Variants in BTRC observed in about 807,000 individuals in gnomAD.
The protein encoded by BTRC is F-box/WD repeat-containing protein 1A.
A neutral mutation model predicts 85.5 loss-of-function variants in BTRC; 42 were observed. The ratio of observed to expected loss-of-function variants is 0.49; its 90% CI spans 0.38 to 0.64. The LOEUF (loss-of-function observed/expected upper bound fraction) is 0.64. Among genes scored for constraint, BTRC ranks in the 30% least tolerant of loss-of-function variants. BTRC has a pLI of 0.00. For missense variants in BTRC, 594 were observed against 743.5 expected (o/e 0.80, Z 2.34); for synonymous variants, 255 against 263.3 (o/e 0.97, Z 0.30).
chr10:101,368,088 G>A (rs149626639), intron 1 of BTRC, among the ~76,000 whole-genome samples: 3,418 of 152,274 alleles, frequency 0.022, 55 homozygotes, highest in Non-Finnish European at 0.035. Flanking sequence ...GGGGCCTGGT[G>A]GGAGGTGTTT....
intron 4 of BTRC, among the ~76,000 whole-genome samples, chr10:101,520,913 A>G (rs1013999242): frequency 6.6e-6 from 1 of 152,104 alleles, no homozygotes; most frequent in Admixed American, 6.6e-5. Flanking sequence ...CAGTGAGCCA[A>G]GATCATGCCA....
intron 1 of BTRC, among the ~76,000 whole-genome samples, chr10:101,388,399 C>T (rs1362012859): frequency 1.3e-5 from 2 of 151,830 alleles, no homozygotes; most frequent in South Asian, 2.1e-4. Flanking sequence ...CTCTCTGTTG[C>T]CCAGCTGTTC....
intron 1 of BTRC, among the ~76,000 whole-genome samples, chr10:101,427,871 A>G (rs542980488): frequency 6.6e-6 from 1 of 152,198 alleles, no homozygotes; most frequent in Non-Finnish European, 1.5e-5. Flanking sequence ...ATAAGTATTT[A>G]TTGAATAAAT....
chr10:101,462,188 A>G (rs1945245032), intron 3 of BTRC, 130 bp downstream of exon 3: 1 of 665,196 alleles, frequency 1.5e-6, no homozygotes, highest in Non-Finnish European at 2.6e-6. Context: ...TGGCCTGGCC[A>G]TAGCCATCAC....
intron 1 of BTRC, among the ~76,000 whole-genome samples, chr10:101,371,171 T>TTTTG (rs1942624498): frequency 1.4e-5 from 2 of 144,504 alleles, no homozygotes; most frequent in African/African-American, 4.9e-5. Context: ...ATTCTTTTTT[T>TTTTG]TTTGTTTGTT....
intron 3 of BTRC, 70 bp from the exon 4 acceptor site, chr10:101,479,298 G>C: frequency 2.6e-6 from 3 of 1,175,234 alleles, no homozygotes; most frequent in South Asian, 2.6e-5. Flanking sequence ...AAATAGAGCA[G>C]AATTTGAAAA....
intron 6 of BTRC, among the ~76,000 whole-genome samples, chr10:101,530,792 T>A (rs1190479107): frequency 6.6e-6 from 1 of 152,240 alleles, no homozygotes; most frequent in Non-Finnish European, 1.5e-5. Flanking sequence ...GAAATCAGGC[T>A]TACCTTTGCT....
intron 1 of BTRC, among the ~76,000 whole-genome samples, chr10:101,367,008 A>ATATATT (rs1275484541): frequency 3.8e-5 from 3 of 79,258 alleles, no homozygotes; most frequent in African/African-American, 1.4e-4. Flanking sequence ...ATATATATTT[A>ATATATT]TATATATATT....
rs1300411286 is a variant in BTRC, at chr10:101,532,957, GGATA to G, written c.985_988del (p.Asp329LysfsTer26). 6.2e-7 allele frequency: 1 copy of G among 1,608,836 alleles called. No individual in the cohort carries two copies. Among genetic ancestry groups the G allele is most frequent in the Admixed American group, 1.7e-5 (1 of 59,846 alleles). On this transcript the variant is annotated frameshift_variant, in exon 9 of 15. Coordinates refer to ENST00000370187, the MANE Select transcript of BTRC (RefSeq NM_033637.4). LOFTEE classifies it high-confidence loss of function. The stretch of plus-strand genomic sequence containing the variant: ...GATCTTATTTGCCATCCTAGATCTG[GGATA>G]AAAACACATTGGAATGCAAGCGAAT...
intron 1 of BTRC, among the ~76,000 whole-genome samples, chr10:101,355,088 A>G (rs886600968): frequency 2.0e-5 from 3 of 152,206 alleles, no homozygotes; most frequent in Admixed American, 6.5e-5. Context: ...ATGAGTATCT[A>G]ATAGGGTAAG....
At chr10:101,502,430 A>G (rs1946420083) in intron 4 of BTRC, among the ~76,000 whole-genome samples, 1 of 151,990 alleles carries the variant, frequency 6.6e-6, no homozygotes, top group Non-Finnish European at 1.5e-5. Flanking sequence ...TTTATTCCAT[A>G]TTGTAGAAGA....
intron 4 of BTRC, among the ~76,000 whole-genome samples, chr10:101,491,401 A>G (rs1414479064): frequency 6.6e-6 from 1 of 152,176 alleles, no homozygotes; most frequent in African/African-American, 2.4e-5. Context: ...TTTGTCAATT[A>G]AAAATGTGTC....
chr10:101,501,543 T>C (rs1326713757), intron 4 of BTRC, among the ~76,000 whole-genome samples: 3 of 152,228 alleles, frequency 2.0e-5, no homozygotes, highest in Non-Finnish European at 4.4e-5. Context: ...GAATGGTTTG[T>C]TTCCAGAGCA....
intron 4 of BTRC, among the ~76,000 whole-genome samples, chr10:101,481,046 C>A (rs1001879179): frequency 6.6e-6 from 1 of 152,156 alleles, no homozygotes; most frequent in African/African-American, 2.4e-5. Flanking sequence ...CTCAGCCTCC[C>A]GAGTAGCTGA....
chr10:101,480,082 G>T (rs1945795183), intron 4 of BTRC, among the ~76,000 whole-genome samples: 1 of 152,052 alleles, frequency 6.6e-6, no homozygotes, highest in Non-Finnish European at 1.5e-5. Context: ...GAGGAATTTT[G>T]ACTAAAATTC....
At chr10:101,394,705 C>A (rs1943319987) in intron 1 of BTRC, among the ~76,000 whole-genome samples, 1 of 152,096 alleles carries the variant, frequency 6.6e-6, no homozygotes, top group Admixed American at 6.6e-5. Flanking sequence ...GTATAACACT[C>A]TTGAGAAGAG....
chr10:101,442,582 T>G (rs1944716612), intron 2 of BTRC, among the ~76,000 whole-genome samples: 2 of 152,186 alleles, frequency 1.3e-5, no homozygotes, highest in Non-Finnish European at 2.9e-5. Context: ...CATAAAGTTT[T>G]TAAGTACTAA....
chr10:101,486,499 G>A (rs1337042130), intron 4 of BTRC, among the ~76,000 whole-genome samples: 4 of 151,768 alleles, frequency 2.6e-5, no homozygotes, highest in South Asian at 2.1e-4. Flanking sequence ...TACTCTTGCC[G>A]TCACATTACC....
At chr10:101,433,438 A>C (rs1408829220) in intron 2 of BTRC, among the ~76,000 whole-genome samples, 1 of 152,178 alleles carries the variant, frequency 6.6e-6, no homozygotes, top group African/African-American at 2.4e-5. Flanking sequence ...TCAATGTTTA[A>C]GAGCTGAAGG....
Sources: allele counts gnomAD v4.1 joint callset (sites outside exome capture counted in the v4.1 genomes callset), GRCh38; gene constraint gnomAD v4.1.1; transcripts MANE v1.5; gene names NCBI Gene and HGNC (gene_info 2026-07-23, HGNC 2026-07-21).